The following TRANK1 variants were observed in gnomAD, a reference collection of about 807,000 sequenced individuals.
The protein encoded by TRANK1 is tetratricopeptide repeat and ankyrin repeat containing 1, also known as TPR and ankyrin repeat-containing protein 1.
TRANK1 carries 198 observed loss-of-function variants against 266.0 expected under a neutral mutation model. That is an observed-to-expected ratio of 0.74 (90% CI 0.66 to 0.84). TRANK1 has a LOEUF of 0.84. Ranked by LOEUF, TRANK1 falls within the 40% of genes least tolerant of loss-of-function variation. The pLI, the probability that TRANK1 is intolerant of heterozygous loss-of-function variation, is 0.00. For synonymous variants in TRANK1, 1,396 were observed against 1,384.1 expected, an observed-to-expected ratio of 1.01 and a Z score of -0.19; for missense variants, 3,326 against 3,634.6, an observed-to-expected ratio of 0.92 and a Z score of 2.18.
In TRANK1 at chr3:36,855,987, A is replaced by G. The variant is rs1243451226; in HGVS notation, c.3735T>C (p.Thr1245=). ...LRDENFPLFV[T]SKQLLLLLDA... ...CAAGCAGAAGAAGCAGCTGCTTGGA[A>G]GTGACAAACAGAGGAAAGTTCTCGT... The change falls in exon 13 of 24, where the codon ACT becomes ACC. Residue 1245 remains threonine, a synonymous_variant. Transcript: ENST00000645898. The G allele has an allele frequency of 1.9e-6, 3 of 1,613,674 alleles. No individual in the cohort carries two copies. Among genetic ancestry groups the G allele is most frequent in the Admixed American group, 1.7e-5 (1 of 59,982 alleles).
At chr3:36,874,891 C>T (rs1383187099) in intron 8 of TRANK1, among the ~76,000 whole-genome samples, 1 of 151,546 alleles carries the variant, frequency 6.6e-6, no homozygotes, top group Non-Finnish European at 1.5e-5. Context: ...TGGGGGTACA[C>T]AAAGACTTAA....
At chr3:36,883,551 G>C (rs150586962) in intron 8 of TRANK1, among the ~76,000 whole-genome samples, 109 of 150,358 alleles carry the variant, frequency 7.2e-4, no homozygotes, top group African/African-American at 2.4e-3. Context: ...AAAAAAGGGA[G>C]CTATAAGAAA....
chr3:36,881,059 C>A (rs2079524797), intron 8 of TRANK1, among the ~76,000 whole-genome samples: 1 of 151,620 alleles, frequency 6.6e-6, no homozygotes, highest in South Asian at 2.1e-4. Flanking sequence ...ATCCAATGAA[C>A]TTTTTTTTAT....
intron 8 of TRANK1, among the ~76,000 whole-genome samples, chr3:36,875,617 G>T (rs763686777): frequency 6.6e-6 from 1 of 152,208 alleles, no homozygotes; most frequent in East Asian, 1.9e-4. Context: ...TAAGTGTATG[G>T]TGACACAGCA....
chr3:36,914,195 G>T (rs962105518), intron 1 of TRANK1, among the ~76,000 whole-genome samples: 8 of 151,674 alleles, frequency 5.3e-5, no homozygotes, highest in African/African-American at 1.9e-4. Context: ...GTGCGGTGGT[G>T]CAATTTTGGC....
intron 8 of TRANK1, among the ~76,000 whole-genome samples, chr3:36,887,692 T>C (rs1417009018): frequency 6.6e-6 from 1 of 152,232 alleles, no homozygotes; most frequent in Non-Finnish European, 1.5e-5. Flanking sequence ...TATTCCAATG[T>C]GGCCCAGGGA....
At chr3:36,931,967 T>A (rs1338900735) in intron 1 of TRANK1, among the ~76,000 whole-genome samples, 1 of 152,146 alleles carries the variant, frequency 6.6e-6, no homozygotes. Flanking sequence ...TTACCCTTAT[T>A]GGGAGGGTGG....
chr3:36,830,900 G>A lies in TRANK1; in HGVS notation c.8683C>T (p.Leu2895Phe), dbSNP rs376419577. ...IKRVSDMVED[L>F]YRRKAWAGAE... ...CCAGCCCAGGCCTTCCGCCTGTAGAGGTCCTCCACCATATCCGAAACCCTC... is the reference window on the plus strand; with the variant it reads ...CCAGCCCAGGCCTTCCGCCTGTAGAAGTCCTCCACCATATCCGAAACCCTC... The change falls in exon 22 of 24, where the codon CTC (leucine) becomes TTC (phenylalanine). Residue 2895 changes from leucine (L) to phenylalanine (F), a missense_variant. Physicochemically the swap from Leu to Phe is conservative, Grantham distance 22 (BLOSUM62 0). Transcript: ENST00000645898. 4 of 1,611,782 alleles carry A rather than the reference G, an allele frequency of 2.5e-6. No individual in the cohort carries two copies. In the African/African-American group the frequency reaches 5.3e-5, roughly 22 times the overall value.
intron 17 of TRANK1, 142 bp downstream of exon 17, chr3:36,846,106 T>G (rs2078910539): frequency 1.1e-6 from 1 of 937,962 alleles, no homozygotes; most frequent in South Asian, 1.9e-5. Context: ...TTGGCAAATG[T>G]GTAACAACTT....
intron 1 of TRANK1, among the ~76,000 whole-genome samples, chr3:36,940,644 A>G (rs1273837962): frequency 6.6e-6 from 1 of 152,168 alleles, no homozygotes; most frequent in African/African-American, 2.4e-5. Context: ...GGAAGGATTC[A>G]GGAGCTGGGA....
At chr3:36,858,935 A>AGCCTGGCTC in intron 11 of TRANK1, 41 bp from the exon 12 acceptor site, 1 of 1,487,470 alleles carries the variant, frequency 6.7e-7, no homozygotes, top group South Asian at 1.3e-5. Context: ...GAGCAGGCAC[A>AGCCTGGCTC]GCCTGGCTCG....
chr3:36,839,550 C>A (rs1225187196), intron 18 of TRANK1, among the ~76,000 whole-genome samples: 1 of 152,186 alleles, frequency 6.6e-6, no homozygotes, highest in Non-Finnish European at 1.5e-5. Context: ...CATTGCAGGG[C>A]CTTTGCACAC....
intron 8 of TRANK1, among the ~76,000 whole-genome samples, chr3:36,883,037 C>T (rs2079552778): frequency 6.6e-6 from 1 of 151,986 alleles, no homozygotes; most frequent in Non-Finnish European, 1.5e-5. Context: ...GGTGGTAACG[C>T]AAATTGGTAC....
intron 15 of TRANK1, among the ~76,000 whole-genome samples, chr3:36,849,865 T>C (rs1413605168): frequency 6.6e-6 from 1 of 152,198 alleles, no homozygotes; most frequent in Non-Finnish European, 1.5e-5. Context: ...ACCAAAGTAT[T>C]TTCCAAAGTC....
chr3:36,859,760 T>G (rs1377294297), intron 11 of TRANK1, among the ~76,000 whole-genome samples: 1 of 152,166 alleles, frequency 6.6e-6, no homozygotes, highest in East Asian at 1.9e-4. Flanking sequence ...GCTCTATAAG[T>G]GCTTGCCGAA....
chr3:36,934,848 T>G (rs2080403151), intron 1 of TRANK1, among the ~76,000 whole-genome samples: 1 of 152,070 alleles, frequency 6.6e-6, no homozygotes, highest in South Asian at 2.1e-4. Context: ...TTGCCTCCCT[T>G]AGGAGGCATG....
At chr3:36,865,008 T>A (rs1369010390) in intron 9 of TRANK1, among the ~76,000 whole-genome samples, 1 of 146,050 alleles carries the variant, frequency 6.8e-6, no homozygotes, top group African/African-American at 2.5e-5. Context: ...TTTTTGGGGG[T>A]TTTTTTGTTT....
intron 5 of TRANK1, among the ~76,000 whole-genome samples, chr3:36,893,281 T>TA (rs34361310): frequency 0.3 from 44,693 of 150,550 alleles, 7,028 homozygotes; most frequent in East Asian, 0.56. Flanking sequence ...GCAATGAGAT[T>TA]ACAAAAAAAA....
At position 36,835,305 on chromosome 3, in the gene TRANK1, C is replaced by T. The variant is rs1027210662; in HGVS notation, c.5518-398G>A. ...CTGCACTCCAGCCTGGGCGACAGAG[C>T]GAGACTCCGTCTCAAAAAAAAAAAA... is the stretch of plus-strand genomic sequence containing the variant. On this transcript the variant is annotated intron_variant, in intron 20 of 23. Coordinates refer to ENST00000645898, the MANE Select transcript of TRANK1 (RefSeq NM_001329998.2). Among the ~76,000 whole-genome samples, 7 of 100,754 alleles carry T rather than the reference C, an allele frequency of 6.9e-5. No individual in the cohort carries two copies. The Admixed American group carries it at 8.3e-4, about 12-fold the overall frequency. The allele number at this position is 100,754 out of a possible 152,430, so 66.1% of individuals were successfully genotyped here. A position where few individuals can be genotyped will look rare whatever the true frequency, so the allele number is the denominator to read the frequency against.
Sources: gnomAD v4.1 joint callset for allele counts (sites outside exome capture counted in the v4.1 genomes callset) on GRCh38, gnomAD v4.1.1 for gene constraint, MANE v1.5 for transcripts, NCBI Gene and HGNC (gene_info 2026-07-23, HGNC 2026-07-21) for gene names.